The following SYK variants were observed in gnomAD, a reference collection of about 807,000 sequenced individuals.
The protein encoded by SYK is tyrosine-protein kinase SYK.
In SYK, 16 loss-of-function variants were observed where a neutral mutation model predicts 77.8. The observed-to-expected ratio is 0.21, with a 90% confidence interval of 0.14 to 0.31. SYK has a LOEUF of 0.31. SYK is among the 10% of genes least tolerant of loss of function. The probability of loss-of-function intolerance (pLI) is 1.00; values close to 1 mark genes in which losing one functional copy is unlikely to be tolerated. For missense variants in SYK, 529 were observed against 814.4 expected, an observed-to-expected ratio of 0.65 and a Z score of 4.26; for synonymous variants, 312 against 308.7, an observed-to-expected ratio of 1.01 and a Z score of -0.11.
chr9:90,819,088 A>G (rs768066122), intron 1 of SYK, among the ~76,000 whole-genome samples: 9 of 152,236 alleles, frequency 5.9e-5, no homozygotes, highest in Non-Finnish European at 1.0e-4. Context: ...TTTTCCAAGT[A>G]CTAGTATCTG....
At chr9:90,837,601 A>G (rs1826131713) in intron 1 of SYK, among the ~76,000 whole-genome samples, 1 of 152,012 alleles carries the variant, frequency 6.6e-6, no homozygotes, top group African/African-American at 2.4e-5. Flanking sequence ...TGGAGGAGCA[A>G]TGAAGATTTG....
rs58269380 is a variant in SYK, at chr9:90,802,815, T to TAAAAAAAA, written c.-42+927_-42+934dup. On this transcript the variant is annotated intron_variant, in intron 1 of 13. Coordinates refer to ENST00000375754, the MANE Select transcript of SYK (RefSeq NM_003177.7). ...GAGTTCAAAGCATTGCAGCGTGTAG[T>TAAAAAAAA]AAAAAAAAAAAAGAGTTGAAGATGT... Among the ~76,000 whole-genome samples the TAAAAAAAA allele has an allele frequency of 1.2e-4, 7 of 58,690 alleles. 1 individual carries two copies. The highest frequency in any genetic ancestry group is 3.9e-4 in the Admixed American group (2 of 5,092). The allele number at this position is 58,690 out of a possible 152,430, so 38.5% of individuals were successfully genotyped here. A position where few individuals can be genotyped will look rare whatever the true frequency, so the allele number is the denominator to read the frequency against.
intron 1 of SYK, among the ~76,000 whole-genome samples, chr9:90,834,186 A>ATGCACACACATGTG (rs1010374163): frequency 2.6e-5 from 4 of 152,152 alleles, no homozygotes; most frequent in Non-Finnish European, 5.9e-5. Context: ...TCCCAGCCTC[A>ATGCACACACATGTG]TGCACACACA....
rs201455170 is a variant in SYK at position 90,844,154 on chromosome 9, G to C, written c.256G>C (p.Ala86Pro). Residue 86 changes from alanine (A) to proline (P), a missense_variant, in exon 2 of 14, where the codon GCC becomes CCC. Transcript: ENST00000375754. The part of the protein sequence containing the change: ...IAGGRTHASP[A>P]DLCHYHSQES... ...CGGTGGCAGGACCCATGCCAGCCCC[G>C]CCGACCTCTGCCACTACCACTCCCA... is the stretch of plus-strand genomic sequence containing the variant. 1 of 1,614,158 alleles carries C rather than the reference G, an allele frequency of 6.2e-7. No individual in the cohort carries two copies.
At chr9:90,832,580 C>G (rs1240631803) in intron 1 of SYK, among the ~76,000 whole-genome samples, 1 of 152,212 alleles carries the variant, frequency 6.6e-6, no homozygotes, top group Non-Finnish European at 1.5e-5. Flanking sequence ...TATTTTAGCT[C>G]CACGTACCTC....
intron 1 of SYK, among the ~76,000 whole-genome samples, chr9:90,822,862 G>A (rs548451703): frequency 1.3e-5 from 2 of 152,300 alleles, no homozygotes; most frequent in African/African-American, 4.8e-5. Context: ...TAACACTGTA[G>A]ACATAGCTAC....
intron 1 of SYK, among the ~76,000 whole-genome samples, chr9:90,812,774 TGTGTGAGA>T (rs1056700570): frequency 3.4e-4 from 31 of 89,964 alleles, no homozygotes; most frequent in African/African-American, 8.9e-4. Flanking sequence ...TGTGTGTGTG[TGTGTGAGA>T]GAGAGAGATT....
rs1252031918 is a variant in SYK at position 90,844,444 on chromosome 9, A to G, written c.417+129A>G. ...AAATAACACAACCATCTCCTTAAGCATCAATTTTGGCCAAAAAATGCCTCT... is the reference window on the plus strand; with the variant it reads ...AAATAACACAACCATCTCCTTAAGCGTCAATTTTGGCCAAAAAATGCCTCT... On this transcript the variant is annotated intron_variant, in intron 2 of 13. Transcript: ENST00000375754. The G allele has an allele frequency of 2.6e-6, 3 of 1,167,000 alleles. No homozygotes were observed. In the East Asian group the frequency reaches 8.1e-5, roughly 32 times the overall value. The allele number at this position is 1,167,000 out of a possible 1,614,324, so 72.3% of individuals were successfully genotyped here. A position where few individuals can be genotyped will look rare whatever the true frequency, so the allele number is the denominator to read the frequency against.
At chr9:90,841,988 G>A (rs561325109) in intron 1 of SYK, among the ~76,000 whole-genome samples, 67 of 117,850 alleles carry the variant, frequency 5.7e-4, no homozygotes, top group African/African-American at 1.7e-3. Flanking sequence ...TGTAGTTTTT[G>A]TGTGTTGTGT....
At position 90,897,204 on chromosome 9, in the gene SYK, C is replaced by T. The variant is rs1383758989; in HGVS notation, c.*1604C>T. Reference sequence around the variant, plus strand: ...AGGGGATGCAAGGCATGGAGAAAGACAATCAGTACCCAAGCTCAGCCACAG... The same window carrying T: ...AGGGGATGCAAGGCATGGAGAAAGATAATCAGTACCCAAGCTCAGCCACAG... On this transcript the variant is annotated 3_prime_UTR_variant, in exon 14 of 14. Coordinates refer to ENST00000375754, the MANE Select transcript of SYK (RefSeq NM_003177.7). The T allele has an allele frequency of 1.3e-5, 3 of 230,890 alleles. No individual in the cohort carries two copies. Among genetic ancestry groups the T allele is most frequent in the Admixed American group, 5.7e-5 (1 of 17,694 alleles). The allele number at this position is 230,890 out of a possible 1,614,324, so 14.3% of individuals were successfully genotyped here. A position where few individuals can be genotyped will look rare whatever the true frequency, so the allele number is the denominator to read the frequency against.
intron 3 of SYK, among the ~76,000 whole-genome samples, chr9:90,856,231 CTT>C (rs1827031474): frequency 6.6e-6 from 1 of 152,126 alleles, no homozygotes; most frequent in Non-Finnish European, 1.5e-5. Context: ...ATGGAGATGA[CTT>C]AAGTAATGTG....
In SYK at chr9:90,895,613, C is replaced by A. The variant is rs1190207340; in HGVS notation, c.*13C>A. ...CGTGGTGAACTAACCGCTCCCGCAC[C>A]TGTCGGTGGCTGCCTTTGATCACAG... On this transcript the variant is annotated 3_prime_UTR_variant, in exon 14 of 14. Coordinates refer to ENST00000375754, the MANE Select transcript of SYK (RefSeq NM_003177.7). The surrounding 1 kb of genome is among the most constrained non-coding windows in gnomAD (Gnocchi z 4.4). The A allele has an allele frequency of 1.2e-6, 2 of 1,612,434 alleles. No homozygotes were observed. The highest frequency in any genetic ancestry group is 1.7e-5 in the Admixed American group (1 of 60,008).
At chr9:90,804,987 G>A (rs751262069) in intron 1 of SYK, among the ~76,000 whole-genome samples, 3 of 151,640 alleles carry the variant, frequency 2.0e-5, no homozygotes, top group Admixed American at 2.0e-4. Flanking sequence ...AATTGTGCAA[G>A]GTTTGCCCTA....
chr9:90,882,318 T>A (rs911196996), intron 11 of SYK, among the ~76,000 whole-genome samples: 1 of 152,240 alleles, frequency 6.6e-6, no homozygotes, highest in African/African-American at 2.4e-5. Context: ...AGTTGTATCA[T>A]TTGGAAGAGA....
rs1829064353 is a variant in SYK at position 90,898,129 on chromosome 9, G to A, written c.*2529G>A. ...TTTACCTTATGGTCCTTCTTTAGCA[G>A]GTAACAAAGGAGCATCAGGGGCAGG... On this transcript the variant is annotated 3_prime_UTR_variant, in exon 14 of 14. Transcript: ENST00000375754. 1 of 229,204 alleles carries A rather than the reference G, an allele frequency of 4.4e-6. No individual in the cohort carries two copies. Among genetic ancestry groups the A allele is most frequent in the South Asian group, 1.8e-4 (1 of 5,514 alleles). 14.2% of individuals were successfully genotyped at this position (229,204 alleles called of 1,614,324 possible).
chr9:90,888,678 G>A, intron 13 of SYK, 51 bp downstream of exon 13: 1 of 1,355,862 alleles, frequency 7.4e-7, no homozygotes, highest in Non-Finnish European at 1.0e-6. Context: ...GGAAACAGGT[G>A]AAATGGTTGG....
intron 5 of SYK, 79 bp downstream of exon 5, chr9:90,864,746 A>C: frequency 1.5e-6 from 2 of 1,330,446 alleles, no homozygotes; most frequent in Non-Finnish European, 2.2e-6. Context: ...AGCTGATTGC[A>C]GATTTGGGTT....
intron 1 of SYK, among the ~76,000 whole-genome samples, chr9:90,825,199 A>C (rs1054439515): frequency 1.3e-5 from 2 of 152,218 alleles, no homozygotes; most frequent in Non-Finnish European, 2.9e-5. Flanking sequence ...AAAACTACAA[A>C]ATAATGATGG....
Position 90,884,860 on chromosome 9 carries a change from T to TATACAC in SYK, c.1582-2886_1582-2885insCACATA, listed in dbSNP as rs1828469770. On this transcript the variant is annotated intron_variant, in intron 11 of 13. Coordinates refer to ENST00000375754, the MANE Select transcript of SYK (RefSeq NM_003177.7). ...ATATACATATACACACATATGTGTG[T>TATACAC]ATATACATATATACATATATACATA... 6.3e-5 allele frequency among the ~76,000 whole-genome samples: 2 copies of TATACAC among 31,656 alleles called. 1 individual carries two copies. Among genetic ancestry groups the TATACAC allele is most frequent in the African/African-American group, 4.1e-4 (2 of 4,894 alleles). The allele number at this position is 31,656 out of a possible 152,430, so 20.8% of individuals were successfully genotyped here. A position where few individuals can be genotyped will look rare whatever the true frequency, so the allele number is the denominator to read the frequency against.
Sources: gnomAD v4.1 joint callset for allele counts (sites outside exome capture counted in the v4.1 genomes callset) on GRCh38, gnomAD v4.1.1 for gene constraint, Gnocchi (gnomAD v3.1) non-coding constraint, MANE v1.5 for transcripts, NCBI Gene and HGNC (gene_info 2026-07-23, HGNC 2026-07-21) for gene names.